The following P2RX4 variants were observed in gnomAD, a reference collection of about 807,000 sequenced individuals.
P2RX4 encodes the protein purinergic receptor P2X 4, also known as P2X purinoceptor 4.
A neutral mutation model predicts 48.0 loss-of-function variants in P2RX4; 37 were observed. The observed-to-expected ratio is 0.77, with a 90% confidence interval of 0.59 to 1.01. The LOEUF is 1.01. P2RX4 is among the 50% of genes least tolerant of loss of function. P2RX4 has a pLI of 0.00. For missense variants in P2RX4, 501 were observed against 521.4 expected, an observed-to-expected ratio of 0.96 and a Z score of 0.38; for synonymous variants, 200 against 199.7, an observed-to-expected ratio of 1.00 and a Z score of -0.01.
chr12:121,229,602 G>A lies in P2RX4; in HGVS notation c.884+503G>A, dbSNP rs1887215408. On this transcript the variant is annotated intron_variant, in intron 8 of 11. Transcript: ENST00000337233. This position sits in a 1 kb window ranked among gnomAD's most constrained non-coding sequence, Gnocchi z 4.6. ...CAAATGCTGGCATCTCGGTGTCCTG[G>A]GGCAGATGTAAGCGAGTCCCACAAA... 6.6e-6 allele frequency among the ~76,000 whole-genome samples: 1 copy of A among 152,016 alleles called. No individual in the cohort carries two copies. The highest frequency in any genetic ancestry group is 2.1e-4 in the South Asian group (1 of 4,814).
intron 2 of P2RX4, among the ~76,000 whole-genome samples, chr12:121,218,482 CA>C (rs889624302): frequency 4.7e-5 from 7 of 150,386 alleles, no homozygotes; most frequent in South Asian, 2.1e-4. Context: ...GACTCCGTCT[CA>C]AAAAAAAAGA....
At chr12:121,227,905 G>C (rs1336347466) in intron 5 of P2RX4, among the ~76,000 whole-genome samples, 1 of 150,418 alleles carries the variant, frequency 6.6e-6, no homozygotes, top group Non-Finnish European at 1.5e-5. Context: ...GGGCAATGTA[G>C]GAAGACTTCA....
chr12:121,214,336 A>G (rs766557385), intron 1 of P2RX4: 31 of 152,150 alleles, frequency 2.0e-4, no homozygotes, highest in Admixed American at 3.9e-4. Flanking sequence ...CCGTCTTGCT[A>G]TAATCAAAAC....
chr12:121,212,826 T>TA (rs1480106416), intron 1 of P2RX4: 18 of 81,422 alleles, frequency 2.2e-4, no homozygotes, highest in Admixed American at 1.7e-3. Context: ...ATATATATAT[T>TA]TTTTTTTTTT....
chr12:121,212,489 A>ATT (rs541747738), intron 1 of P2RX4, among the ~76,000 whole-genome samples: 18 of 135,322 alleles, frequency 1.3e-4, no homozygotes, highest in African/African-American at 2.8e-4. Flanking sequence ...AAAAAAAAGA[A>ATT]TTTTTTTTTT....
At chr12:121,223,557 G>A (rs1886783905) in intron 5 of P2RX4, 2 of 175,600 alleles carry the variant, frequency 1.1e-5, no homozygotes, top group Non-Finnish European at 2.5e-5. Flanking sequence ...TGGCAAGATG[G>A]GCCACAAGTA....
At chr12:121,233,247 AGCT>A (rs1887489122) in intron 11 of P2RX4, 155 bp downstream of exon 11, 2 of 654,316 alleles carry the variant, frequency 3.1e-6, no homozygotes, top group Non-Finnish European at 5.4e-6. Context: ...CACTCTCAGC[AGCT>A]GCTCCATCCC....
intron 11 of P2RX4, 92 bp downstream of exon 11, chr12:121,233,184 C>A: frequency 1.2e-6 from 1 of 858,826 alleles, no homozygotes. Context: ...GGCCCTTCTG[C>A]AGAGGCTGGC....
chr12:121,217,647 C>T (rs749779151), intron 2 of P2RX4, among the ~76,000 whole-genome samples: 4 of 151,586 alleles, frequency 2.6e-5, no homozygotes, highest in Non-Finnish European at 5.9e-5. Context: ...AACTTTAGGC[C>T]GGGCACAGTA....
At chr12:121,212,034 T>C (rs2136210546) in intron 1 of P2RX4, among the ~76,000 whole-genome samples, 1 of 152,230 alleles carries the variant, frequency 6.6e-6, no homozygotes, top group East Asian at 1.9e-4. Flanking sequence ...CAGGTGATTC[T>C]CATGTTCAGC....
At chr12:121,228,934 C>T (rs1887171129) in intron 7 of P2RX4, 29 bp from the exon 8 acceptor site, 2 of 1,613,956 alleles carry the variant, frequency 1.2e-6, no homozygotes, top group Non-Finnish European at 1.7e-6. Flanking sequence ...TGAGGAAAGC[C>T]TTGCCGTGTC....
intron 2 of P2RX4, among the ~76,000 whole-genome samples, chr12:121,219,710 G>C (rs1886470773): frequency 6.6e-6 from 1 of 151,832 alleles, no homozygotes; most frequent in Non-Finnish European, 1.5e-5. Flanking sequence ...GAAAGGGAAA[G>C]AAAGAAAAGA....
intron 1 of P2RX4, among the ~76,000 whole-genome samples, chr12:121,212,273 A>G (rs1347431288): frequency 6.6e-6 from 1 of 152,088 alleles, no homozygotes. Flanking sequence ...ACTCAACATC[A>G]GAACCACCTG....
At chr12:121,215,290 A>G (rs548563850) in intron 1 of P2RX4, 8 of 152,248 alleles carry the variant, frequency 5.3e-5, no homozygotes, top group African/African-American at 1.9e-4. Context: ...AAGATCTACT[A>G]TCATTCCCAG....
intron 1 of P2RX4, chr12:121,215,960 G>T (rs1180052): frequency 6.6e-6 from 1 of 152,286 alleles, no homozygotes; most frequent in East Asian, 1.9e-4. Context: ...TCCTTAAAGG[G>T]TAGAATTCTC....
intron 2 of P2RX4, among the ~76,000 whole-genome samples, chr12:121,219,632 GAT>G (rs1886461044): frequency 1.1e-5 from 1 of 90,688 alleles, no homozygotes; most frequent in Non-Finnish European, 2.4e-5. Flanking sequence ...TAGATAGATA[GAT>G]AGATAGATAG....
chr12:121,229,169 C>G lies in P2RX4; in HGVS notation c.884+70C>G. 6.4e-7 allele frequency: 1 copy of G among 1,573,998 alleles called. No individual in the cohort carries two copies. Among genetic ancestry groups the G allele is most frequent in the Non-Finnish European group, 8.7e-7 (1 of 1,145,478 alleles). ...GGTGGCTGCGTACGTGCCAGTGGGC[C>G]GCCCACTGAAGACCAGCACTCAGGC... On this transcript the variant is annotated intron_variant, in intron 8 of 11. Coordinates refer to ENST00000337233, the MANE Select transcript of P2RX4 (RefSeq NM_002560.3). The surrounding 1 kb of genome is among the most constrained non-coding windows in gnomAD (Gnocchi z 4.6).
At chr12:121,221,539 G>A (rs1330046308) in intron 2 of P2RX4, among the ~76,000 whole-genome samples, 1 of 151,646 alleles carries the variant, frequency 6.6e-6, no homozygotes, top group Non-Finnish European at 1.5e-5. Context: ...GACTACAGGT[G>A]CCCGCCATCA....
At chr12:121,230,861 A>G (rs1050897325) in intron 8 of P2RX4, among the ~76,000 whole-genome samples, 9 of 151,306 alleles carry the variant, frequency 5.9e-5, no homozygotes, top group African/African-American at 1.9e-4. Flanking sequence ...CCAACCATCC[A>G]TCCCCTGCTC....
Sources: gnomAD v4.1 joint callset for allele counts (sites outside exome capture counted in the v4.1 genomes callset) on GRCh38, gnomAD v4.1.1 for gene constraint, Gnocchi (gnomAD v3.1) non-coding constraint, MANE v1.5 for transcripts, NCBI Gene and HGNC (gene_info 2026-07-23, HGNC 2026-07-21) for gene names.